The following ARPP21 variants were observed in gnomAD, a reference collection of about 807,000 sequenced individuals.
The protein encoded by ARPP21 is cAMP-regulated phosphoprotein 21.
In ARPP21, 69 loss-of-function variants were observed where a neutral mutation model predicts 113.2. The ratio of observed to expected loss-of-function variants is 0.61; its 90% confidence interval spans 0.50 to 0.74. The LOEUF is 0.74. Ranked by LOEUF, ARPP21 falls within the 30% of genes least tolerant of loss-of-function variation. The pLI, the probability that ARPP21 is intolerant of heterozygous loss-of-function variation, is 0.00. For missense variants in ARPP21, 1,070 were observed against 1,037.4 expected, an observed-to-expected ratio of 1.03 and a Z score of -0.43; for synonymous variants, 368 against 375.5, an observed-to-expected ratio of 0.98 and a Z score of 0.23.
At chr3:35,772,428 A>T (rs1346624057) in intron 19 of ARPP21, among the ~76,000 whole-genome samples, 1 of 152,218 alleles carries the variant, frequency 6.6e-6, no homozygotes, top group East Asian at 1.9e-4. Flanking sequence ...ACTGAGGCCA[A>T]AAAAAGTTAA....
rs1260393008 is a variant in ARPP21 at position 35,793,939 on chromosome 3, G to A, written c.2525G>A (p.Gly842Asp). The change falls in exon 21 of 21, where the codon GGT (glycine) becomes GAT (aspartate). Residue 842 changes from glycine (G) to aspartate (D), a missense_variant. Transcript: ENST00000684406. The stretch of plus-strand genomic sequence containing the variant: ...AACTGTGCAAGTATGAGCAATGCTG[G>A]TTGGCAGGTCAAATTCTGAGAGCTC... Reference protein sequence around the residue: ...RTNCASMSNAGWQVKF With the variant: ...RTNCASMSNADWQVKF 5 of 1,613,690 alleles carry A rather than the reference G, an allele frequency of 3.1e-6. No homozygotes were observed. In the East Asian group the frequency reaches 8.9e-5, roughly 29 times the overall value.
intron 18 of ARPP21, among the ~76,000 whole-genome samples, chr3:35,741,763 C>T (rs2094676588): frequency 6.6e-6 from 1 of 151,982 alleles, no homozygotes; most frequent in African/African-American, 2.4e-5. Flanking sequence ...TCCTTTCTCC[C>T]TTCACCTCTC....
intron 1 of ARPP21, among the ~76,000 whole-genome samples, chr3:35,649,637 G>A (rs1701613841): frequency 6.6e-6 from 1 of 152,148 alleles, no homozygotes; most frequent in African/African-American, 2.4e-5. Flanking sequence ...AACTAAGCAA[G>A]TAGGCAGTGC....
intron 19 of ARPP21, among the ~76,000 whole-genome samples, chr3:35,754,153 T>G (rs1018264249): frequency 6.6e-6 from 1 of 151,886 alleles, no homozygotes; most frequent in Non-Finnish European, 1.5e-5. Context: ...GATTTTTGTC[T>G]TTATACCTTA....
intron 1 of ARPP21, among the ~76,000 whole-genome samples, chr3:35,655,086 A>G (rs1199584316): frequency 1.3e-5 from 2 of 151,932 alleles, no homozygotes; most frequent in African/African-American, 4.8e-5. Context: ...ATATTGCTAC[A>G]AACTTCTTAA....
intron 13 of ARPP21, among the ~76,000 whole-genome samples, chr3:35,718,710 G>A (rs2092734030): frequency 6.6e-6 from 1 of 152,080 alleles, no homozygotes; most frequent in South Asian, 2.1e-4. Flanking sequence ...CAAAAAAGAT[G>A]CATTTAGACA....
intron 10 of ARPP21, chr3:35,707,357 C>T (rs113384410): frequency 6.6e-6 from 4 of 602,318 alleles, no homozygotes; most frequent in East Asian, 3.6e-5. Context: ...CTGGGAGGGT[C>T]GGGATGCCAC....
In ARPP21 at chr3:35,774,155, G is replaced by A. The variant is rs145347096; in HGVS notation, c.2138-18227G>A. 2.9e-3 allele frequency among the ~76,000 whole-genome samples: 438 copies of A among 152,242 alleles called. 3 individuals are homozygous for A. Among genetic ancestry groups the A allele is most frequent in the African/African-American group, 9.9e-3 (412 of 41,542 alleles). On this transcript the variant is annotated intron_variant, in intron 19 of 20. Transcript: ENST00000684406. Reference sequence around the variant, plus strand: ...CTTCCTATCAGGTGCAGTGCTGTGCGCCTATAGTCCCAGCTACTCGGGAGG... The same window carrying A: ...CTTCCTATCAGGTGCAGTGCTGTGCACCTATAGTCCCAGCTACTCGGGAGG...
At chr3:35,741,238 A>G (rs933851913) in intron 18 of ARPP21, among the ~76,000 whole-genome samples, 4 of 152,242 alleles carry the variant, frequency 2.6e-5, no homozygotes, top group Non-Finnish European at 2.9e-5. Flanking sequence ...TGACAGAAAT[A>G]CTTTCATTCC....
intron 1 of ARPP21, among the ~76,000 whole-genome samples, chr3:35,673,071 G>A (rs921633591): frequency 6.6e-6 from 1 of 151,990 alleles, no homozygotes; most frequent in Non-Finnish European, 1.5e-5. Flanking sequence ...TGTTTCATTG[G>A]TGTGGTTGTT....
intron 19 of ARPP21, among the ~76,000 whole-genome samples, chr3:35,779,833 T>G (rs959201719): frequency 2.6e-5 from 4 of 152,138 alleles, no homozygotes; most frequent in African/African-American, 9.7e-5. Context: ...CCTTTTTCCC[T>G]CCCTTTTCTC....
At chr3:35,695,537 C>T (rs1001978967) in intron 9 of ARPP21, among the ~76,000 whole-genome samples, 19 of 151,514 alleles carry the variant, frequency 1.3e-4, no homozygotes, top group African/African-American at 4.6e-4. Flanking sequence ...CCAAAGTAGA[C>T]ACGTAACAAA....
intron 1 of ARPP21, among the ~76,000 whole-genome samples, chr3:35,676,912 T>C (rs1018434358): frequency 3.9e-5 from 6 of 152,076 alleles, no homozygotes; most frequent in Admixed American, 3.9e-4. Context: ...TATATATCTA[T>C]GTGGCAATTT....
chr3:35,746,283 C>G (rs1559829792), intron 19 of ARPP21, among the ~76,000 whole-genome samples: 1 of 152,150 alleles, frequency 6.6e-6, no homozygotes, highest in African/African-American at 2.4e-5. Context: ...AGTAACCAGA[C>G]CACACAGTGG....
intron 1 of ARPP21, among the ~76,000 whole-genome samples, chr3:35,667,964 A>G (rs1418582542): frequency 1.2e-5 from 1 of 86,172 alleles, no homozygotes; most frequent in African/African-American, 4.4e-5. Context: ...GAAGAAGAAG[A>G]AGAAGAAGAA....
chr3:35,683,241 T>C (rs1158428875), intron 4 of ARPP21, among the ~76,000 whole-genome samples: 1 of 151,748 alleles, frequency 6.6e-6, no homozygotes, highest in Non-Finnish European at 1.5e-5. Flanking sequence ...AATGACCATT[T>C]GTTTTGTTTT....
chr3:35,653,411 G>T (rs115442513), intron 1 of ARPP21, among the ~76,000 whole-genome samples: 3,301 of 152,104 alleles, frequency 0.022, 113 homozygotes, highest in African/African-American at 0.075. Context: ...AGGGAAGTAG[G>T]TATAGTGAAG....
intron 1 of ARPP21, among the ~76,000 whole-genome samples, chr3:35,666,221 G>A (rs980937301): frequency 1.1e-4 from 17 of 152,022 alleles, no homozygotes; most frequent in Admixed American, 5.9e-4. Flanking sequence ...TTTAAATGGA[G>A]TTATAGGGTA....
intron 15 of ARPP21, among the ~76,000 whole-genome samples, chr3:35,733,528 G>A (rs1306648240): frequency 6.6e-6 from 1 of 152,206 alleles, no homozygotes; most frequent in Non-Finnish European, 1.5e-5. Flanking sequence ...ACTAGGCCGA[G>A]GGCCAGCCAG....
Sources: allele counts gnomAD v4.1 joint callset (sites outside exome capture counted in the v4.1 genomes callset), GRCh38; gene constraint gnomAD v4.1.1; transcripts MANE v1.5; gene names NCBI Gene and HGNC (gene_info 2026-07-23, HGNC 2026-07-21).